The following OR9Q1 variants were observed in gnomAD, a reference collection of about 807,000 sequenced individuals.
OR9Q1 encodes the protein olfactory receptor 9Q1.
For missense variants in OR9Q1, 374 were observed against 378.8 expected (o/e 0.99, Z 0.11); for synonymous variants, 153 against 148.6 (o/e 1.03, Z -0.22).
At chr11:58,118,532 C>A (rs146574837) in intron 2 of OR9Q1, 3 of 1,611,472 alleles carry the variant, frequency 1.9e-6, no homozygotes, top group Non-Finnish European at 2.5e-6. Flanking sequence ...AGTCTCCTAG[C>A]GACCTTTCTG....
chr11:58,149,013 T>G (rs925328227), intron 2 of OR9Q1, among the ~76,000 whole-genome samples: 1 of 152,194 alleles, frequency 6.6e-6, no homozygotes, highest in African/African-American at 2.4e-5. Flanking sequence ...GAACATTGTG[T>G]CTTTTTCTTT....
chr11:58,077,241 C>T (rs763003899), intron 2 of OR9Q1: 7 of 152,180 alleles, frequency 4.6e-5, no homozygotes, highest in Non-Finnish European at 7.3e-5. Flanking sequence ...TGGGAAACAA[C>T]TGATCTTGCA....
chr11:58,175,513 T>G (rs1047566148), intron 2 of OR9Q1, among the ~76,000 whole-genome samples: 2 of 152,218 alleles, frequency 1.3e-5, no homozygotes, highest in African/African-American at 4.8e-5. Flanking sequence ...GATTGTTTAC[T>G]ACTATCCCCA....
At chr11:58,141,853 T>C (rs1196523377) in intron 2 of OR9Q1, among the ~76,000 whole-genome samples, 1 of 152,150 alleles carries the variant, frequency 6.6e-6, no homozygotes, top group African/African-American at 2.4e-5. Flanking sequence ...TGATCTTAGG[T>C]TGATTATTGA....
At chr11:58,106,155 C>T (rs1350003057) in intron 2 of OR9Q1, among the ~76,000 whole-genome samples, 1 of 115,632 alleles carries the variant, frequency 8.6e-6, no homozygotes, top group African/African-American at 2.8e-5. Flanking sequence ...CCAACATTTG[C>T]TATCTTTTTT....
intron 2 of OR9Q1, chr11:58,118,417 G>T (rs952007952): frequency 1.2e-6 from 1 of 865,450 alleles, no homozygotes; most frequent in Admixed American, 2.3e-5. Flanking sequence ...TGTGGGTATA[G>T]GTTGCATATA....
rs1474113149 is a variant in OR9Q1, at chr11:58,082,505, C to T, written c.-15+26558C>T. ...GTAAACTATCGCAAGGACAAAAAACCAAATACCACATGTTCTCACTCACAG... is the reference window on the plus strand; with the variant it reads ...GTAAACTATCGCAAGGACAAAAAACTAAATACCACATGTTCTCACTCACAG... On this transcript the variant is annotated intron_variant, in intron 2 of 2. Transcript: ENST00000335397. Among the ~76,000 whole-genome samples the T allele has an allele frequency of 3.5e-5, 5 of 143,964 alleles. No individual in the cohort carries two copies. In the Admixed American group the frequency reaches 3.7e-4, roughly 11 times the overall value. The allele number at this position is 143,964 out of a possible 152,430, so 94.4% of individuals were successfully genotyped here.
intron 2 of OR9Q1, among the ~76,000 whole-genome samples, chr11:58,146,087 A>G (rs2119883235): frequency 6.6e-6 from 1 of 152,346 alleles, no homozygotes; most frequent in Non-Finnish European, 1.5e-5. Context: ...TGCATTAATT[A>G]TTGGAAACAA....
chr11:58,115,548 T>A (rs1038766588), intron 2 of OR9Q1, among the ~76,000 whole-genome samples: 1 of 152,090 alleles, frequency 6.6e-6, no homozygotes, highest in Non-Finnish European at 1.5e-5. Context: ...GCTTTAATGG[T>A]GGAAAATCAG....
chr11:58,119,136 TA>T, intron 2 of OR9Q1: 1 of 1,613,930 alleles, frequency 6.2e-7, no homozygotes, highest in Non-Finnish European at 8.5e-7. Context: ...AGATGGTGAA[TA>T]AAAAGAACTG....
At chr11:58,047,936 G>C (rs1171204595) in intron 1 of OR9Q1, among the ~76,000 whole-genome samples, 7 of 152,134 alleles carry the variant, frequency 4.6e-5, no homozygotes, top group Admixed American at 2.6e-4. Flanking sequence ...ATCTATGCTT[G>C]TTTGTGCCTT....
chr11:58,031,457 C>T (rs1385934231), intron 1 of OR9Q1: 4 of 1,614,180 alleles, frequency 2.5e-6, no homozygotes, highest in East Asian at 4.5e-5. Flanking sequence ...CCTCTTGTCT[C>T]AGCTAACATT....
At chr11:58,098,543 A>C (rs927372234) in intron 2 of OR9Q1, among the ~76,000 whole-genome samples, 1 of 152,202 alleles carries the variant, frequency 6.6e-6, no homozygotes, top group Admixed American at 6.5e-5. Context: ...CTGAGGCAGG[A>C]GAATGGCATG....
chr11:58,047,070 T>C (rs893798347), intron 1 of OR9Q1, among the ~76,000 whole-genome samples: 15 of 152,194 alleles, frequency 9.9e-5, no homozygotes, highest in Non-Finnish European at 1.9e-4. Context: ...AAACTTGAAT[T>C]GACAATTGTA....
At chr11:58,035,632 T>C (rs149612592) in intron 1 of OR9Q1, among the ~76,000 whole-genome samples, 16 of 152,284 alleles carry the variant, frequency 1.1e-4, no homozygotes, top group Non-Finnish European at 1.9e-4. Context: ...GAAAGACATA[T>C]TTTCCTTAGG....
intron 2 of OR9Q1, among the ~76,000 whole-genome samples, chr11:58,127,235 C>A (rs1854098926): frequency 6.6e-6 from 1 of 152,168 alleles, no homozygotes; most frequent in African/African-American, 2.4e-5. Context: ...CAGGCATGAG[C>A]CACCGTGCCC....
In OR9Q1 at chr11:58,180,239, G is replaced by C; in HGVS notation, c.795G>C (p.Gln265His). Residue 265 changes from glutamine (Q) to histidine (H), a missense_variant, in exon 3 of 3, where the codon CAG (glutamine) becomes CAC (histidine). Physicochemically the swap from Gln to His is conservative, Grantham distance 24 (BLOSUM62 0). Transcript: ENST00000335397. Reference sequence around the variant, plus strand: ...TGTACTTGAGAGGTAACTCAGATCAGTCTTCGGAGAAGAATCGGGTAGTGT... The same window carrying C: ...TGTACTTGAGAGGTAACTCAGATCACTCTTCGGAGAAGAATCGGGTAGTGT... ...IFMYLRGNSD[Q>H]SSEKNRVVSV... 2 of 1,614,150 alleles carry C rather than the reference G, an allele frequency of 1.2e-6. No individual in the cohort carries two copies. The highest frequency in any genetic ancestry group is 1.7e-6 in the Non-Finnish European group (2 of 1,180,008).
chr11:58,068,559 CT>C (rs1279159930), intron 2 of OR9Q1, among the ~76,000 whole-genome samples: 1 of 152,160 alleles, frequency 6.6e-6, no homozygotes, highest in African/African-American at 2.4e-5. Flanking sequence ...GATTCAAATC[CT>C]GACCCAGGGC....
chr11:58,166,153 T>G (rs994586363), intron 2 of OR9Q1, among the ~76,000 whole-genome samples: 1 of 152,238 alleles, frequency 6.6e-6, no homozygotes, highest in Non-Finnish European at 1.5e-5. Context: ...CACATATTTT[T>G]GTTAGCATTT....
Sources: allele counts gnomAD v4.1 joint callset (sites outside exome capture counted in the v4.1 genomes callset), GRCh38; gene constraint gnomAD v4.1.1; transcripts MANE v1.5; gene names NCBI Gene and HGNC (gene_info 2026-07-23, HGNC 2026-07-21).